The following COA1 variants were observed in gnomAD, a reference collection of about 807,000 sequenced individuals.
COA1 encodes the protein cytochrome c oxidase assembly factor 1.
A neutral mutation model predicts 16.0 loss-of-function variants in COA1; 13 were observed. The ratio of observed to expected loss-of-function variants is 0.81; its 90% CI spans 0.53 to 1.29. COA1 has a LOEUF of 1.29. Ranked by LOEUF, COA1 falls within the 50% of genes most tolerant of loss-of-function variation. The probability of loss-of-function intolerance (pLI) is 0.00; values close to 1 mark genes in which losing one functional copy is unlikely to be tolerated. For missense variants in COA1, 179 were observed against 177.0 expected, an observed-to-expected ratio of 1.01 and a Z score of -0.06; for synonymous variants, 65 against 65.7, an observed-to-expected ratio of 0.99 and a Z score of 0.05.
chr7:43,720,508 T>A (rs2095485407), intron 1 of COA1, among the ~76,000 whole-genome samples: 1 of 152,112 alleles, frequency 6.6e-6, no homozygotes, highest in African/African-American at 2.4e-5. Flanking sequence ...AGTGACATGA[T>A]CAGATTTTAC....
chr7:43,712,285 G>C (rs1012941354), intron 1 of COA1, among the ~76,000 whole-genome samples: 3 of 151,996 alleles, frequency 2.0e-5, no homozygotes, highest in Non-Finnish European at 4.4e-5. Context: ...GCTAATTTTT[G>C]TATTTTTGGT....
rs144785063 is a variant in COA1, at chr7:43,623,617, T to A, written c.*134-14122A>T. 6.2e-7 allele frequency: 1 copy of A among 1,611,290 alleles called. No individual in the cohort carries two copies. The highest frequency in any genetic ancestry group is 8.5e-7 in the Non-Finnish European group (1 of 1,178,916). ...GATCCTATAAGCATGGCAACAGATA[T>A]GTGGTAAGAGTTATTAATGAAAAAT... On this transcript the variant is annotated intron_variant and NMD_transcript_variant, in intron 6 of 6. Transcript: ENST00000415076.
chr7:43,622,646 T>C (rs1490517876), intron 6 of COA1: 1 of 152,124 alleles, frequency 6.6e-6, no homozygotes, highest in East Asian at 1.9e-4. Context: ...TTTGACAGTG[T>C]CTTTCTATTG....
rs1563381575 is a variant in COA1, at chr7:43,691,282, AAAGAAAGAAAG to A, written c.-39+38136_-39+38146del. Among the ~76,000 whole-genome samples the A allele has an allele frequency of 1.1e-3, 53 of 47,308 alleles. 2 individuals carry two copies. The highest frequency in any genetic ancestry group is 3.2e-3 in the African/African-American group (48 of 15,014). The allele number at this position is 47,308 out of a possible 152,430, so 31.0% of individuals were successfully genotyped here. ...AAAGAAAGAAAAGAAAGAAAGAAAG[AAAGAAAGAAAG>A]AAAGAAAGAAAGAAAGAAAGAAAGA... On this transcript the variant is annotated intron_variant, in intron 1 of 5. Transcript: ENST00000223336.
At chr7:43,612,506 C>G (rs528916501) in intron 6 of COA1, among the ~76,000 whole-genome samples, 1 of 152,292 alleles carries the variant, frequency 6.6e-6, no homozygotes, top group East Asian at 1.9e-4. Flanking sequence ...CCCACATTGC[C>G]TCAAAGCTAA....
intron 1 of COA1, among the ~76,000 whole-genome samples, chr7:43,666,303 T>C (rs976228832): frequency 6.6e-6 from 1 of 152,190 alleles, no homozygotes; most frequent in South Asian, 2.1e-4. Flanking sequence ...CAGTATAAAA[T>C]GGCACCCTTA....
In COA1 at chr7:43,639,609, T is replaced by G; in HGVS notation, c.414A>C (p.Glu138Asp). ...ACTCCTTTTTCACTTCATCACCGTTTTCCCCACTGAGCTTGAACACAGGAA... is the reference window on the plus strand; with the variant it reads ...ACTCCTTTTTCACTTCATCACCGTTGTCCCCACTGAGCTTGAACACAGGAA... ...QQIPVFKLSG[E>D]NGDEVKKE is the part of the protein sequence containing the mutation. The change falls in exon 6 of 6, where the codon GAA (glutamate) becomes GAC (aspartate). Residue 138 changes from glutamate to aspartate, a missense_variant. Transcript: ENST00000223336. 2 of 1,613,980 alleles carry G rather than the reference T, an allele frequency of 1.2e-6. No homozygotes were observed. Among genetic ancestry groups the G allele is most frequent in the Non-Finnish European group, 1.7e-6 (2 of 1,179,914 alleles).
At chr7:43,638,240 T>C (rs1339929097), downstream of COA1, among the ~76,000 whole-genome samples, 9 of 138,862 alleles carry the variant, frequency 6.5e-5, no homozygotes, top group East Asian at 6.1e-4. Context: ...TTTTTTTTTT[T>C]CCTGAGAGGC....
Position 43,721,572 on chromosome 7 carries a change from T to TA in COA1, c.-39+7856dup, listed in dbSNP as rs1431693907. ...AAAGAGGAAAAGCAAGGATGTAATG[T>TA]AACTGCTTCCCACAATAAAAACACA... is the stretch of plus-strand genomic sequence containing the variant. On this transcript the variant is annotated intron_variant, in intron 1 of 5. Coordinates refer to ENST00000223336, the MANE Select transcript of COA1 (RefSeq NM_018224.4). Among the ~76,000 whole-genome samples the TA allele has an allele frequency of 2.0e-5, 3 of 152,338 alleles. No individual in the cohort carries two copies. In the South Asian group the frequency reaches 6.2e-4, roughly 32 times the overall value.
At chr7:43,650,257 C>G (rs1207890603) in intron 1 of COA1, 1 of 152,158 alleles carries the variant, frequency 6.6e-6, no homozygotes, top group African/African-American at 2.4e-5. Context: ...CACCAAAGCC[C>G]AGAGCTAAGA....
At chr7:43,695,552 AAATG>A (rs2094500316) in intron 1 of COA1, among the ~76,000 whole-genome samples, 1 of 152,080 alleles carries the variant, frequency 6.6e-6, no homozygotes, top group Non-Finnish European at 1.5e-5. Flanking sequence ...GAATGTATGC[AAATG>A]GGACTTGGCC....
intron 6 of COA1, chr7:43,623,540 A>T (rs1484045665): frequency 6.3e-7 from 1 of 1,595,230 alleles, no homozygotes; most frequent in Non-Finnish European, 8.5e-7. Context: ...TTTTCCACAA[A>T]ACTAAATGTT....
At chr7:43,710,370 A>T (rs2095184754) in intron 1 of COA1, among the ~76,000 whole-genome samples, 1 of 118,684 alleles carries the variant, frequency 8.4e-6, no homozygotes, top group Admixed American at 8.5e-5. Flanking sequence ...AAAAAAAAAA[A>T]AAAAAATATA....
chr7:43,709,810 G>A (rs917911597), intron 1 of COA1, among the ~76,000 whole-genome samples: 3 of 152,076 alleles, frequency 2.0e-5, no homozygotes, highest in East Asian at 1.9e-4. Context: ...GTGATAGCCC[G>A]TAACTAAATC....
chr7:43,663,252 A>G, intron 1 of COA1, among the ~76,000 whole-genome samples: 1 of 152,214 alleles, frequency 6.6e-6, no homozygotes, highest in South Asian at 2.1e-4. Flanking sequence ...CCCTGCCAGA[A>G]GCTGAGCAGA....
intron 1 of COA1, among the ~76,000 whole-genome samples, chr7:43,666,424 A>G (rs2092894443): frequency 6.6e-6 from 1 of 152,208 alleles, no homozygotes; most frequent in East Asian, 1.9e-4. Flanking sequence ...CAGTAACCCT[A>G]TTAAGAAACT....
At chr7:43,634,661 C>T (rs1283066206), downstream of COA1, among the ~76,000 whole-genome samples, 1 of 152,190 alleles carries the variant, frequency 6.6e-6, no homozygotes, top group Non-Finnish European at 1.5e-5. Flanking sequence ...CAAAGAAGGT[C>T]TAGGCTCCCC....
chr7:43,724,231 T>G (rs1447726097), intron 1 of COA1, among the ~76,000 whole-genome samples: 1 of 151,948 alleles, frequency 6.6e-6, no homozygotes, highest in African/African-American at 2.4e-5. Context: ...ATCCAGCAAT[T>G]CCACTTCTGG....
intron 1 of COA1, among the ~76,000 whole-genome samples, chr7:43,667,278 C>T (rs2092947932): frequency 6.6e-6 from 1 of 152,120 alleles, no homozygotes; most frequent in Non-Finnish European, 1.5e-5. Flanking sequence ...TTCCTGATGC[C>T]TGGCTTTTTG....
Sources: gnomAD v4.1 joint callset for allele counts (sites outside exome capture counted in the v4.1 genomes callset) on GRCh38, gnomAD v4.1.1 for gene constraint, MANE v1.5 for transcripts, NCBI Gene and HGNC (gene_info 2026-07-23, HGNC 2026-07-21) for gene names.